LDB2: variants seen among roughly 807,000 people sequenced by gnomAD.
The protein encoded by LDB2 is LIM domain-binding protein 2.
A neutral mutation model predicts 44.3 loss-of-function variants in LDB2; 12 were observed. The observed-to-expected ratio is 0.27, with a 90% confidence interval of 0.17 to 0.44. The LOEUF (loss-of-function observed/expected upper bound fraction) is 0.44. LDB2 is among the 20% of genes least tolerant of loss of function. The pLI is 1.00. For synonymous variants in LDB2, 164 were observed against 174.8 expected (o/e 0.94, Z 0.49); for missense variants, 344 against 473.5 (o/e 0.73, Z 2.54).
At chr4:16,746,594 C>T (rs1764432118) in intron 2 of LDB2, among the ~76,000 whole-genome samples, 2 of 152,172 alleles carry the variant, frequency 1.3e-5, no homozygotes, top group Non-Finnish European at 2.9e-5. Context: ...TGAGATCAGC[C>T]TGGCCAACAT....
At chr4:16,548,758 G>A (rs141472004) in intron 5 of LDB2, among the ~76,000 whole-genome samples, 5 of 152,324 alleles carry the variant, frequency 3.3e-5, no homozygotes, top group Admixed American at 1.3e-4. Context: ...TTTGGGAAAT[G>A]TAATAGTCAC....
chr4:16,710,507 C>G (rs374509336), intron 2 of LDB2, among the ~76,000 whole-genome samples: 1 of 152,082 alleles, frequency 6.6e-6, no homozygotes, highest in Non-Finnish European at 1.5e-5. Flanking sequence ...CCCGAGGAAT[C>G]TGAAGCTATT....
At chr4:16,879,575 G>T (rs1719449569) in intron 1 of LDB2, among the ~76,000 whole-genome samples, 1 of 152,130 alleles carries the variant, frequency 6.6e-6, no homozygotes, top group Non-Finnish European at 1.5e-5. Flanking sequence ...CCTACTTTCA[G>T]TGCTTCTAGT....
Position 16,608,322 on chromosome 4 carries a change from C to T in LDB2, c.236-12447G>A, listed in dbSNP as rs1724544271. 1.3e-5 allele frequency among the ~76,000 whole-genome samples: 2 copies of T among 151,768 alleles called. 1 individual carries two copies. Among genetic ancestry groups the T allele is most frequent in the South Asian group, 4.2e-4 (2 of 4,812 alleles). Reference sequence around the variant, plus strand: ...AGCAGTAAAAAAAGGGTCAGATTCACATTCCTCGGGAGTCCACAGGGGGCT... The same window carrying T: ...AGCAGTAAAAAAAGGGTCAGATTCATATTCCTCGGGAGTCCACAGGGGGCT... On this transcript the variant is annotated intron_variant, in intron 2 of 7. Transcript: ENST00000304523.
At chr4:16,875,883 T>A (rs1165908750) in intron 1 of LDB2, among the ~76,000 whole-genome samples, 1 of 152,210 alleles carries the variant, frequency 6.6e-6, no homozygotes, top group Non-Finnish European at 1.5e-5. Context: ...ATACCCTCTA[T>A]CCTTCTCCTT....
intron 1 of LDB2, among the ~76,000 whole-genome samples, chr4:16,812,963 C>T (rs1401450721): frequency 2.0e-5 from 3 of 151,850 alleles, no homozygotes; most frequent in Non-Finnish European, 4.4e-5. Flanking sequence ...ATGTTGATGA[C>T]AGACACTTTT....
At chr4:16,814,950 A>G (rs1264378585) in intron 1 of LDB2, among the ~76,000 whole-genome samples, 6 of 152,348 alleles carry the variant, frequency 3.9e-5, no homozygotes, top group East Asian at 3.9e-4. Flanking sequence ...AAGCAAAAGT[A>G]TCTTCCTTTT....
Position 16,806,158 on chromosome 4 carries a change from C to T in LDB2, c.133-46898G>A, listed in dbSNP as rs158276. Among the ~76,000 whole-genome samples the T allele has an allele frequency of 3.1e-3, 466 of 152,334 alleles. 10 individuals are homozygous for T. Among genetic ancestry groups the T allele is most frequent in the Non-Finnish European group, 4.0e-3 (269 of 68,034 alleles). ...TTTCCTAACATCTTCCAGGTACCAA[C>T]TGATGGCCATGACTTGAACCCAAAT... On this transcript the variant is annotated intron_variant, in intron 1 of 7. Transcript: ENST00000304523.
intron 1 of LDB2, among the ~76,000 whole-genome samples, chr4:16,879,627 C>G (rs1407615835): frequency 6.6e-6 from 1 of 152,182 alleles, no homozygotes; most frequent in East Asian, 1.9e-4. Flanking sequence ...ATCATCAGCT[C>G]TCTGGCCCTC....
intron 1 of LDB2, among the ~76,000 whole-genome samples, chr4:16,767,171 G>A (rs1769527182): frequency 1.3e-5 from 2 of 152,276 alleles, no homozygotes; most frequent in African/African-American, 4.8e-5. Flanking sequence ...TTCCAAGTGG[G>A]TTCTAGTAGC....
chr4:16,877,285 T>C (rs1019767645), intron 1 of LDB2, among the ~76,000 whole-genome samples: 3 of 152,224 alleles, frequency 2.0e-5, no homozygotes, highest in Admixed American at 2.0e-4. Flanking sequence ...CTTAGTTGTC[T>C]TTGTGTCTTT....
At chr4:16,605,627 G>A (rs1408885905) in intron 2 of LDB2, among the ~76,000 whole-genome samples, 2 of 152,162 alleles carry the variant, frequency 1.3e-5, no homozygotes, top group Admixed American at 6.5e-5. Flanking sequence ...TGTGGCCAGT[G>A]CCTAATGGAC....
chr4:16,793,362 G>A (rs1776142166), intron 1 of LDB2, among the ~76,000 whole-genome samples: 1 of 152,094 alleles, frequency 6.6e-6, no homozygotes, highest in Non-Finnish European at 1.5e-5. Flanking sequence ...GTGGGTTTAT[G>A]TCTAATCTCC....
chr4:16,883,342 G>C lies in LDB2; in HGVS notation c.132+15012C>G, dbSNP rs148557336. 2.2e-3 allele frequency among the ~76,000 whole-genome samples: 339 copies of C among 152,320 alleles called. 3 individuals carry two copies. Among genetic ancestry groups the C allele is most frequent in the African/African-American group, 7.7e-3 (320 of 41,556 alleles). ...TTCATAGCTCATCTAATCCAAGAAA[G>C]TCGAAAGAGGAAACAGACTCAGGGA... On this transcript the variant is annotated intron_variant, in intron 1 of 7. Transcript: ENST00000304523.
chr4:16,737,042 C>A (rs1762042036), intron 2 of LDB2, among the ~76,000 whole-genome samples: 1 of 151,980 alleles, frequency 6.6e-6, no homozygotes, highest in Non-Finnish European at 1.5e-5. Flanking sequence ...GTGAGTGAGA[C>A]CAGAAAGTTA....
intron 2 of LDB2, among the ~76,000 whole-genome samples, chr4:16,607,164 G>C (rs553951407): frequency 3.4e-4 from 52 of 152,330 alleles, no homozygotes; most frequent in Admixed American, 1.8e-3. Flanking sequence ...AGAAAGGTTT[G>C]TAGAATTAAA....
chr4:16,659,662 T>G lies in LDB2; in HGVS notation c.236-63787A>C, dbSNP rs538944765. Reference sequence around the variant, plus strand: ...ATATACACACACACATATGAGTATATCTATGTGTGTATATATATATATATA... The same window carrying G: ...ATATACACACACACATATGAGTATAGCTATGTGTGTATATATATATATATA... On this transcript the variant is annotated intron_variant, in intron 2 of 7. Coordinates refer to ENST00000304523, the MANE Select transcript of LDB2 (RefSeq NM_001290.5). Among the ~76,000 whole-genome samples, 4 of 103,704 alleles carry G rather than the reference T, an allele frequency of 3.9e-5. No homozygotes were observed. The East Asian group carries it at 9.6e-4, about 25-fold the overall frequency. 68.0% of individuals were successfully genotyped at this position (103,704 alleles called of 152,430 possible). A position where few individuals can be genotyped will look rare whatever the true frequency, so the allele number is the denominator to read the frequency against.
chr4:16,676,023 T>C (rs543498983), intron 2 of LDB2, among the ~76,000 whole-genome samples: 1 of 152,308 alleles, frequency 6.6e-6, no homozygotes, highest in East Asian at 1.9e-4. Context: ...ATAATAACAG[T>C]ATTTTATACC....
chr4:16,567,697 G>A (rs1745050481), intron 5 of LDB2, among the ~76,000 whole-genome samples: 1 of 152,184 alleles, frequency 6.6e-6, no homozygotes, highest in Non-Finnish European at 1.5e-5. Flanking sequence ...GTGAACCCGG[G>A]AGGCGAAGCT....
Sources: gnomAD v4.1 joint callset for allele counts (sites outside exome capture counted in the v4.1 genomes callset) on GRCh38, gnomAD v4.1.1 for gene constraint, MANE v1.5 for transcripts, NCBI Gene and HGNC (gene_info 2026-07-23, HGNC 2026-07-21) for gene names.